ABCB9: variants seen among roughly 807,000 people sequenced by gnomAD.
ABCB9 encodes the protein ABC-type oligopeptide transporter ABCB9.
ABCB9 carries 36 observed loss-of-function variants against 62.0 expected under a neutral mutation model. That is an observed-to-expected ratio of 0.58 (90% confidence interval 0.45 to 0.77). The LOEUF is 0.77. Among genes scored for constraint, ABCB9 ranks in the 30% least tolerant of loss-of-function variants. The pLI, the probability that ABCB9 is intolerant of heterozygous loss-of-function variation, is 0.00. For synonymous variants in ABCB9, 435 were observed against 461.4 expected (o/e 0.94, Z 0.73); for missense variants, 943 against 1,054.7 (o/e 0.89, Z 1.47).
intron 2 of ABCB9, among the ~76,000 whole-genome samples, chr12:122,953,267 C>T (rs1443601471): frequency 1.3e-5 from 2 of 150,418 alleles, no homozygotes; most frequent in African/African-American, 2.5e-5. Context: ...GGCTGGAGTG[C>T]AGTGGCATGA....
Position 122,949,053 on chromosome 12 carries a change from C to T in ABCB9, c.848-224G>A, listed in dbSNP as rs555501908. ...AGCTTCATGACATCCCGCTGTACAG[C>T]GGAGGAGGCTGGGGCTCAGAACAGG... On this transcript the variant is annotated intron_variant, in intron 4 of 11. Coordinates refer to ENST00000280560, the MANE Select transcript of ABCB9 (RefSeq NM_019625.4). 3.3e-4 allele frequency: 135 copies of T among 406,650 alleles called. 2 individuals carry two copies. The highest frequency in any genetic ancestry group is 1.7e-3 in the African/African-American group (84 of 48,518). The allele number at this position is 406,650 out of a possible 1,614,324, so 25.2% of individuals were successfully genotyped here.
chr12:122,929,676 A>G lies in ABCB9; in HGVS notation c.*235T>C. 8.0e-7 allele frequency: 1 copy of G among 1,250,626 alleles called. No individual in the cohort carries two copies. Among genetic ancestry groups the G allele is most frequent in the Non-Finnish European group, 1.0e-6 (1 of 997,136 alleles). The allele number at this position is 1,250,626 out of a possible 1,614,324, so 77.5% of individuals were successfully genotyped here. On this transcript the variant is annotated 3_prime_UTR_variant, in exon 12 of 12. Coordinates refer to ENST00000280560, the MANE Select transcript of ABCB9 (RefSeq NM_019625.4). This position sits in a 1 kb window ranked among gnomAD's most constrained non-coding sequence, Gnocchi z 6.0. ...TAAAAAGGCAGCTCTACCTTTGCTT[A>G]GGAGGCTAGGGAGGTCCGTGAAGGC...
chr12:122,949,994 G>A (rs1428939311), intron 3 of ABCB9, 76 bp from the exon 4 acceptor site: 51 of 1,589,026 alleles, frequency 3.2e-5, no homozygotes, highest in Non-Finnish European at 4.4e-5. Context: ...CCCTCCCGCT[G>A]CCGGCAGGCC....
chr12:122,934,497 T>C (rs1191710475), intron 10 of ABCB9, among the ~76,000 whole-genome samples: 2 of 151,780 alleles, frequency 1.3e-5, no homozygotes, highest in African/African-American at 4.8e-5. Context: ...GAGACCAGCC[T>C]GGGAAACATA....
At chr12:122,954,757 T>C (rs769748519) in intron 2 of ABCB9, among the ~76,000 whole-genome samples, 6 of 152,210 alleles carry the variant, frequency 3.9e-5, no homozygotes, top group Non-Finnish European at 5.9e-5. Flanking sequence ...CCTTCCAAAG[T>C]GCTGGGATTA....
At chr12:122,924,255 C>T (rs576119607), downstream of ABCB9, among the ~76,000 whole-genome samples, 2 of 152,346 alleles carry the variant, frequency 1.3e-5, no homozygotes, top group Non-Finnish European at 2.9e-5. Context: ...ACCCTGCAGT[C>T]ATTTCTTTTC....
At chr12:122,927,278 T>C (rs1378517006), downstream of ABCB9, among the ~76,000 whole-genome samples, 1 of 152,132 alleles carries the variant, frequency 6.6e-6, no homozygotes, top group East Asian at 1.9e-4. Context: ...TTCAAGCAAT[T>C]CTCCTGCCTC....
In ABCB9 at chr12:122,944,486, A is replaced by T; in HGVS notation, c.1285T>A (p.Tyr429Asn). ...TLLVVQVSIL[Y>N]YGGHLVISGQ... ...GAGATGACAAGGTGGCCCCCGTAGTAGAGGATGCTGACCTGGACCACCAGC... is the reference window on the plus strand; with the variant it reads ...GAGATGACAAGGTGGCCCCCGTAGTTGAGGATGCTGACCTGGACCACCAGC... The change falls in exon 7 of 12, where the codon TAC becomes AAC. Residue 429 changes from tyrosine to asparagine, a missense_variant. Physicochemically the swap from Tyr to Asn is moderately radical, Grantham distance 143. Coordinates refer to ENST00000280560, the MANE Select transcript of ABCB9 (RefSeq NM_019625.4). The surrounding 1 kb of genome is among the most constrained non-coding windows in gnomAD (Gnocchi z 4.9). 6.2e-7 allele frequency: 1 copy of T among 1,614,056 alleles called. No individual in the cohort carries two copies. Among genetic ancestry groups the T allele is most frequent in the Non-Finnish European group, 8.5e-7 (1 of 1,179,962 alleles).
Position 122,959,764 on chromosome 12 carries a change from A to G in ABCB9, c.472T>C (p.Phe158Leu). Residue 158 changes from phenylalanine to leucine, a missense_variant, in exon 2 of 12, where the codon TTC becomes CTC. By Grantham distance (22) the Phe-to-Leu change is conservative. Coordinates refer to ENST00000280560, the MANE Select transcript of ABCB9 (RefSeq NM_019625.4). This position sits in a 1 kb window ranked among gnomAD's most constrained non-coding sequence, Gnocchi z 5.4. ...GGCGGTGGCCGGCCGCTCCCAGGGA[A>G]GCCCTCAGCCTCGGTGGCCGCCCCT... ...EPGAATEAEG[F>L]PGSGRPPPEQ... The G allele has an allele frequency of 6.2e-7, 1 of 1,611,890 alleles. No homozygotes were observed. Among genetic ancestry groups the G allele is most frequent in the Non-Finnish European group, 8.5e-7 (1 of 1,179,196 alleles).
downstream of ABCB9, among the ~76,000 whole-genome samples, chr12:122,928,043 G>A (rs530715624): frequency 3.5e-4 from 54 of 152,220 alleles, no homozygotes; most frequent in African/African-American, 1.3e-3. Flanking sequence ...AGCTTCCCTT[G>A]TCAAACCCCT....
Position 122,946,225 on chromosome 12 carries a change from A to T in ABCB9, c.1054-3T>A, listed in dbSNP as rs199677437. On this transcript the variant is annotated splice_polypyrimidine_tract_variant and splice_region_variant and intron_variant, in intron 5 of 11. Coordinates refer to ENST00000280560, the MANE Select transcript of ABCB9 (RefSeq NM_019625.4). Reference sequence around the variant, plus strand: ...TTCTGGACCTCTTTGGAGAGCCTCTATGGACAGGAGGGGGACAAGAAGGAG... The same window carrying T: ...TTCTGGACCTCTTTGGAGAGCCTCTTTGGACAGGAGGGGGACAAGAAGGAG... 6.2e-7 allele frequency: 1 copy of T among 1,613,928 alleles called. No individual in the cohort carries two copies. The highest frequency in any genetic ancestry group is 1.7e-5 in the Admixed American group (1 of 59,986).
At chr12:122,919,117 C>G (rs191714568), downstream of ABCB9, among the ~76,000 whole-genome samples, 2 of 152,270 alleles carry the variant, frequency 1.3e-5, no homozygotes, top group East Asian at 3.9e-4. Flanking sequence ...ATGTGCATAC[C>G]ACGGTTTGCA....
chr12:122,958,196 T>C (rs1461471305), intron 2 of ABCB9, among the ~76,000 whole-genome samples: 2 of 133,270 alleles, frequency 1.5e-5, no homozygotes, highest in Non-Finnish European at 3.2e-5. Flanking sequence ...AAAAAATTCA[T>C]GTTAAGAGGA....
In ABCB9 at chr12:122,947,762, C is replaced by T. The variant is rs948502442; in HGVS notation, c.1053+862G>A. 4.4e-5 allele frequency: 6 copies of T among 136,370 alleles called. No individual in the cohort carries two copies. Among genetic ancestry groups the T allele is most frequent in the African/African-American group, 4.0e-4 (3 of 7,436 alleles). The allele number at this position is 136,370 out of a possible 1,614,324, so 8.4% of individuals were successfully genotyped here. On this transcript the variant is annotated intron_variant, in intron 5 of 11. Coordinates refer to ENST00000280560, the MANE Select transcript of ABCB9 (RefSeq NM_019625.4). The surrounding 1 kb of genome is among the most constrained non-coding windows in gnomAD (Gnocchi z 6.0). ...GCCCATGATGGCATCACAGCGGGCC[C>T]GCGATGGCATCACAGCGGGCCCGCA...
chr12:122,967,937 G>C (rs2037222192), upstream of ABCB9, among the ~76,000 whole-genome samples: 1 of 152,118 alleles, frequency 6.6e-6, no homozygotes, highest in Non-Finnish European at 1.5e-5. Flanking sequence ...AGATAGACTT[G>C]TGCAAGGGAG....
Position 122,940,012 on chromosome 12 carries a change from T to A in ABCB9, c.1743+99A>T. Reference sequence around the variant, plus strand: ...TGGTGATAATTCTTTGAACTGTCCATTTATCTCTAGTGCCCTCTTCCGCAC... The same window carrying A: ...TGGTGATAATTCTTTGAACTGTCCAATTATCTCTAGTGCCCTCTTCCGCAC... On this transcript the variant is annotated intron_variant, in intron 9 of 11. Coordinates refer to ENST00000280560, the MANE Select transcript of ABCB9 (RefSeq NM_019625.4). The surrounding 1 kb of genome is among the most constrained non-coding windows in gnomAD (Gnocchi z 4.8). 1.4e-6 allele frequency: 2 copies of A among 1,429,626 alleles called. No individual in the cohort carries two copies. The highest frequency in any genetic ancestry group is 2.9e-5 in the African/African-American group (2 of 70,128). 88.6% of individuals were successfully genotyped at this position (1,429,626 alleles called of 1,614,324 possible).
rs115666469 is a variant in ABCB9, at chr12:122,964,639, C to T, written c.-88+1648G>A. ...CCAAGGCTGCTTAGAGGCCTGTCAC[C>T]GCTCTCCAACTGCCTGACTCAGAGG... On this transcript the variant is annotated intron_variant, in intron 1 of 11. Transcript: ENST00000280560. This position sits in a 1 kb window ranked among gnomAD's most constrained non-coding sequence, Gnocchi z 4.7. Among the ~76,000 whole-genome samples, 279 of 152,366 alleles carry T rather than the reference C, an allele frequency of 1.8e-3. No homozygotes were observed. Among genetic ancestry groups the T allele is most frequent in the African/African-American group, 6.1e-3 (255 of 41,586 alleles).
At chr12:122,965,720 G>A (rs1384160246) in intron 1 of ABCB9, among the ~76,000 whole-genome samples, 1 of 151,956 alleles carries the variant, frequency 6.6e-6, no homozygotes, top group Admixed American at 6.5e-5. Flanking sequence ...GTCAGGCCGG[G>A]GGAGGAGGCT....
intron 1 of ABCB9, among the ~76,000 whole-genome samples, chr12:122,963,303 G>C (rs371189560): frequency 1.1e-4 from 16 of 152,124 alleles, no homozygotes; most frequent in East Asian, 3.9e-4. Context: ...ATGCTACCGG[G>C]AAGTGTTCAT....
Sources: allele counts gnomAD v4.1 joint callset (sites outside exome capture counted in the v4.1 genomes callset), GRCh38; gene constraint gnomAD v4.1.1; non-coding constraint Gnocchi (gnomAD v3.1); transcripts MANE v1.5; gene names NCBI Gene and HGNC (gene_info 2026-07-23, HGNC 2026-07-21).